Variants in SOD2 observed in about 807,000 individuals in gnomAD.
SOD2 encodes the protein superoxide dismutase [Mn], mitochondrial.
A neutral mutation model predicts 27.0 loss-of-function variants in SOD2; 11 were observed. That is an observed-to-expected ratio of 0.41 (90% confidence interval 0.26 to 0.67). The LOEUF (loss-of-function observed/expected upper bound fraction) is 0.67. Ranked by LOEUF, SOD2 falls within the 30% of genes least tolerant of loss-of-function variation. The pLI, the probability that SOD2 is intolerant of heterozygous loss-of-function variation, is 0.34. For synonymous variants in SOD2, 105 were observed against 103.0 expected (o/e 1.02, Z -0.12); for missense variants, 250 against 274.5 (o/e 0.91, Z 0.63).
intron 1 of SOD2, chr6:159,713,769 T>C: frequency 1.0e-6 from 1 of 952,450 alleles, no homozygotes; most frequent in Non-Finnish European, 1.7e-6. Flanking sequence ...TCCCATGGTT[T>C]CTCTGTCTTT....
rs1437275312 is a variant in SOD2 at position 159,677,567 on chromosome 6, ATTACT to A, written c.*4921_*4925del. ...GTAAAATACATCTTGTAAAAGTATG[ATTACT>A]TTATTTTTCAGAGTTAAGGCAATAA... On this transcript the variant is annotated 3_prime_UTR_variant, in exon 5 of 5. Coordinates refer to ENST00000538183, the MANE Select transcript of SOD2 (RefSeq NM_000636.4). 5 of 152,202 alleles carry A rather than the reference ATTACT, an allele frequency of 3.3e-5. No homozygotes were observed. Among genetic ancestry groups the A allele is most frequent in the Admixed American group, 1.3e-4 (2 of 15,284 alleles). The allele number at this position is 152,202 out of a possible 1,614,324, so 9.4% of individuals were successfully genotyped here.
chr6:159,761,190 T>A (rs1780116652), exon 1 of SOD2: 1 of 165,634 alleles, frequency 6.0e-6, no homozygotes, highest in Non-Finnish European at 1.3e-5. Context: ...GTGACAAAGC[T>A]TTCTTGTTCC....
At chr6:159,748,293 G>A, upstream of SOD2, 2 of 1,614,040 alleles carry the variant, frequency 1.2e-6, no homozygotes, top group Non-Finnish European at 1.7e-6. The surrounding 1 kb of genome is among the most constrained non-coding windows in gnomAD (Gnocchi z 5.6). Context: ...AAAAATGAAA[G>A]GTGAACTGGA....
rs5746095 is a variant in SOD2 at position 159,693,125 on chromosome 6, C to G, written c.23+20G>C. 1.6e-3 allele frequency: 2,517 copies of G among 1,529,008 alleles called. 3 individuals carry two copies. Among genetic ancestry groups the G allele is most frequent in the Non-Finnish European group, 2.0e-3 (2,321 of 1,138,576 alleles). The allele number at this position is 1,529,008 out of a possible 1,614,324, so 94.7% of individuals were successfully genotyped here. The stretch of plus-strand genomic sequence containing the variant: ...GCCCCTTCGCCCTTGGGGCCGTGAC[C>G]GGGTCCCCTTTCTTCTCACCCGCAC... On this transcript the variant is annotated intron_variant, in intron 1 of 4. Transcript: ENST00000538183.
chr6:159,704,361 A>C (rs1185728557), intron 1 of SOD2, among the ~76,000 whole-genome samples: 2 of 152,148 alleles, frequency 1.3e-5, no homozygotes, highest in Non-Finnish European at 2.9e-5. Flanking sequence ...GGGATCAGGG[A>C]ATTCACTTTC....
At position 159,669,554 on chromosome 6, in the gene SOD2, C is replaced by G. The variant is rs901605326; in HGVS notation, c.*12939G>C. The G allele has an allele frequency of 6.6e-6, 1 of 151,962 alleles. No homozygotes were observed. The highest frequency in any genetic ancestry group is 1.9e-4 in the East Asian group (1 of 5,192). 9.4% of individuals were successfully genotyped at this position (151,962 alleles called of 1,614,324 possible). On this transcript the variant is annotated 3_prime_UTR_variant, in exon 5 of 5. Transcript: ENST00000538183. ...GGCACAGTGGCTCATGCCTATAATC[C>G]CAGCACCTTAGGAGGCCAAAGCAGG...
intron 1 of SOD2, chr6:159,727,029 A>C: frequency 8.1e-7 from 1 of 1,232,862 alleles, no homozygotes; most frequent in African/African-American, 1.6e-5. Context: ...CCGCAGCCGC[A>C]GGTGGCCCCG....
At chr6:159,692,342 A>G in intron 2 of SOD2, 7 of 1,119,502 alleles carry the variant, frequency 6.3e-6, no homozygotes, top group Non-Finnish European at 8.2e-6. Flanking sequence ...GACACAGTAG[A>G]GCTTTCTTTT....
chr6:159,675,352 A>G lies in SOD2; in HGVS notation c.*7141T>C, dbSNP rs1779755639. The G allele has an allele frequency of 6.6e-6, 1 of 152,222 alleles. No homozygotes were observed. Among genetic ancestry groups the G allele is most frequent in the Admixed American group, 6.5e-5 (1 of 15,270 alleles). The allele number at this position is 152,222 out of a possible 1,614,324, so 9.4% of individuals were successfully genotyped here. A position where few individuals can be genotyped will look rare whatever the true frequency, so the allele number is the denominator to read the frequency against. ...ACGCTACCTGATTTCAAACTATACT[A>G]CAAGGCTGCAGTAACCAAAACAGCA... is the stretch of plus-strand genomic sequence containing the variant. On this transcript the variant is annotated 3_prime_UTR_variant, in exon 5 of 5. Transcript: ENST00000538183.
chr6:159,687,148 G>A lies in SOD2; in HGVS notation c.343+978C>T, dbSNP rs369480819. ...CACATAGATGAAAAAAGGTACAGACGGTTAACTATCTAATCCAGGCCCTAG... is the reference window on the plus strand; with the variant it reads ...CACATAGATGAAAAAAGGTACAGACAGTTAACTATCTAATCCAGGCCCTAG... On this transcript the variant is annotated intron_variant, in intron 3 of 4. Transcript: ENST00000538183. Among the ~76,000 whole-genome samples, 26 of 152,196 alleles carry A rather than the reference G, an allele frequency of 1.7e-4. No individual in the cohort carries two copies. The South Asian group carries it at 2.1e-3, about 12-fold the overall frequency.
At chr6:159,684,553 G>A (rs1780098791) in intron 4 of SOD2, among the ~76,000 whole-genome samples, 1 of 152,024 alleles carries the variant, frequency 6.6e-6, no homozygotes, top group African/African-American at 2.4e-5. Flanking sequence ...GGAGGCGGAG[G>A]TTGCAGTGAA....
chr6:159,761,913 T>G (rs1302331481), exon 1 of SOD2: 1 of 642,288 alleles, frequency 1.6e-6, no homozygotes, highest in Admixed American at 3.4e-5. Context: ...CGCCCGCCCC[T>G]GCTCCGGCCT....
chr6:159,761,454 CA>C (rs1349003887), exon 1 of SOD2: 2 of 446,324 alleles, frequency 4.5e-6, no homozygotes, highest in Admixed American at 5.0e-5. Flanking sequence ...TCTTAGAAGG[CA>C]GGGGGCTCGC....
intron 1 of SOD2, among the ~76,000 whole-genome samples, chr6:159,759,276 C>T (rs1425635458): frequency 1.3e-5 from 2 of 150,498 alleles, no homozygotes; most frequent in Non-Finnish European, 3.0e-5. Flanking sequence ...TCAGGCAGGT[C>T]TTGAACTCCC....
intron 1 of SOD2, among the ~76,000 whole-genome samples, chr6:159,707,920 G>A (rs568822962): frequency 2.6e-5 from 4 of 152,180 alleles, no homozygotes; most frequent in South Asian, 4.2e-4. Context: ...TTTATCCACC[G>A]TGATCAAGGG....
At chr6:159,725,518 T>A (rs571039586) in intron 1 of SOD2, 2 of 151,538 alleles carry the variant, frequency 1.3e-5, no homozygotes, top group South Asian at 4.2e-4. Flanking sequence ...TTATTTTTTC[T>A]GTGTATCTTA....
chr6:159,698,371 G>T (rs1777464565), intron 1 of SOD2, among the ~76,000 whole-genome samples: 1 of 151,114 alleles, frequency 6.6e-6, no homozygotes, highest in Non-Finnish European at 1.5e-5. Context: ...ACTGCACTCT[G>T]CACTCCAGTC....
rs866838740 is a variant in SOD2, at chr6:159,712,497, T to A, written c.-116+14632A>T. On this transcript the variant is annotated intron_variant, in intron 1 of 2. Transcript: ENST00000401980. ...TAACCACCACTCAGCTGCTCTGACC[T>A]CCATAACCACCTCCATAACCACCAC... Among the ~76,000 whole-genome samples, 249 of 52,902 alleles carry A rather than the reference T, an allele frequency of 4.7e-3. 3 individuals carry two copies. The highest frequency in any genetic ancestry group is 0.019 in the Middle Eastern group (1 of 52). The allele number at this position is 52,902 out of a possible 152,430, so 34.7% of individuals were successfully genotyped here. A position where few individuals can be genotyped will look rare whatever the true frequency, so the allele number is the denominator to read the frequency against.
upstream of SOD2, chr6:159,749,024 G>A (rs1211917096): frequency 8.2e-5 from 82 of 1,001,086 alleles, no homozygotes; most frequent in Admixed American, 1.2e-4. Context: ...TACAAGTAGC[G>A]CATATATTTA....
Sources: allele counts gnomAD v4.1 joint callset (sites outside exome capture counted in the v4.1 genomes callset), GRCh38; gene constraint gnomAD v4.1.1; non-coding constraint Gnocchi (gnomAD v3.1); transcripts MANE v1.5; gene names NCBI Gene and HGNC (gene_info 2026-07-23, HGNC 2026-07-21).